The following ABCC12 variants were observed in gnomAD, a reference collection of about 807,000 sequenced individuals.
The protein encoded by ABCC12 is ATP-binding cassette sub-family C member 12.
Under a neutral mutation model 151.1 loss-of-function variants are expected in ABCC12, and 142 were observed. The ratio of observed to expected loss-of-function variants is 0.94; its 90% CI spans 0.82 to 1.08. The LOEUF is 1.08. Among genes scored for constraint, ABCC12 ranks in the 50% least tolerant of loss-of-function variants. The pLI is 0.00. For missense variants in ABCC12, 1,638 were observed against 1,691.1 expected, an observed-to-expected ratio of 0.97 and a Z score of 0.55; for synonymous variants, 645 against 646.4, an observed-to-expected ratio of 1.00 and a Z score of 0.03.
At position 48,148,966 on chromosome 16, in the gene ABCC12, C is replaced by T. The variant is rs558451577; in HGVS notation, c.-50-2492G>A. Among the ~76,000 whole-genome samples the T allele has an allele frequency of 2.6e-3, 394 of 151,770 alleles. 1 individual carries two copies. Among genetic ancestry groups the T allele is most frequent in the African/African-American group, 8.9e-3 (368 of 41,356 alleles). ...ATACCTAGCATAGTCCCTGGTACAT[C>T]GGAAATGTTTAATACGTATTTGTTG... On this transcript the variant is annotated intron_variant, in intron 2 of 30. Transcript: ENST00000311303.
At position 48,141,361 on chromosome 16, in the gene ABCC12, G is replaced by A. The variant is rs1310846767; in HGVS notation, c.276-8C>T. 1 of 1,612,758 alleles carries A rather than the reference G, an allele frequency of 6.2e-7. No individual in the cohort carries two copies. Among genetic ancestry groups the A allele is most frequent in the South Asian group, 1.1e-5 (1 of 91,020 alleles). ...TCCCAAAGGACTCGAAATCTGTGAT[G>A]AAAAAACAGAAGCATAAAATGGATT... On this transcript the variant is annotated splice_polypyrimidine_tract_variant and splice_region_variant and intron_variant, in intron 4 of 30. Coordinates refer to ENST00000311303, the MANE Select transcript of ABCC12 (RefSeq NM_001393797.1).
At chr16:48,126,978 G>C (rs978871672) in intron 11 of ABCC12, among the ~76,000 whole-genome samples, 2 of 152,132 alleles carry the variant, frequency 1.3e-5, no homozygotes, top group Non-Finnish European at 2.9e-5. Flanking sequence ...AAGGCAGGGC[G>C]GGGGGAAGTC....
Position 48,139,324 on chromosome 16 carries a change from G to GT in ABCC12, c.669dup (p.Leu224ThrfsTer4), listed in dbSNP as rs1168182223. 6.2e-7 allele frequency: 1 copy of GT among 1,606,972 alleles called. No individual in the cohort carries two copies. The highest frequency in any genetic ancestry group is 8.5e-7 in the Non-Finnish European group (1 of 1,178,180). ...AACAAAGAATAGCTATCACTTGACA[G>GT]TATATTGAGCACCTGGAAAGAAAAG... is the stretch of plus-strand genomic sequence containing the variant. On this transcript the variant is annotated frameshift_variant, in exon 7 of 31. Coordinates refer to ENST00000311303, the MANE Select transcript of ABCC12 (RefSeq NM_001393797.1). LOFTEE classifies it high-confidence loss of function.
At chr16:48,094,628 A>T (rs140721020) in intron 24 of ABCC12, among the ~76,000 whole-genome samples, 38 of 152,352 alleles carry the variant, frequency 2.5e-4, no homozygotes, top group Middle Eastern at 3.4e-3. Flanking sequence ...ATGGGAGCAC[A>T]CATGCACATG....
At chr16:48,133,597 C>T in intron 9 of ABCC12, 90 bp downstream of exon 9, 1 of 1,470,328 alleles carries the variant, frequency 6.8e-7, no homozygotes, top group Non-Finnish European at 9.2e-7. Context: ...GTTCCTAATG[C>T]CAGTATTGAG....
rs758298527 is a variant in ABCC12 at position 48,138,234 on chromosome 16, T to G, written c.973A>C (p.Ile325Leu). 1.9e-6 allele frequency: 3 copies of G among 1,607,736 alleles called. No homozygotes were observed. The highest frequency in any genetic ancestry group is 1.3e-5 in the African/African-American group (1 of 74,826). ...YAWEKSFTNT[I>L]QDIRRRERKL... ...GCAGCTACTCTTGTCCTACCTTGGA[T>G]AGTGTTGGTAAAAGATTTCTCCCAG... Residue 325 changes from isoleucine to leucine, a missense_variant, in exon 8 of 31, where the codon ATC (isoleucine) becomes CTC (leucine). Ile to Leu is a conservative substitution (Grantham distance 5). Coordinates refer to ENST00000311303, the MANE Select transcript of ABCC12 (RefSeq NM_001393797.1).
At chr16:48,146,555 A>G in intron 2 of ABCC12, 81 bp from the exon 3 acceptor site, 1 of 718,332 alleles carries the variant, frequency 1.4e-6, no homozygotes, top group Non-Finnish European at 2.4e-6. Flanking sequence ...TACCCAGATC[A>G]GTTCCTTTGC....
chr16:48,144,100 C>A (rs1465868579), intron 3 of ABCC12, 35 bp from the exon 4 acceptor site: 1 of 1,589,624 alleles, frequency 6.3e-7, no homozygotes, highest in Admixed American at 1.7e-5. Context: ...GTTCCAGGCA[C>A]TGGGGTCATT....
intron 15 of ABCC12, among the ~76,000 whole-genome samples, chr16:48,112,338 G>A (rs577969504): frequency 6.6e-6 from 1 of 152,310 alleles, no homozygotes; most frequent in East Asian, 1.9e-4. Context: ...GCTCACACCT[G>A]TAGTCCCGGC....
chr16:48,119,050 A>C (rs569393539), intron 13 of ABCC12, among the ~76,000 whole-genome samples: 1 of 152,028 alleles, frequency 6.6e-6, no homozygotes, highest in African/African-American at 2.4e-5. Flanking sequence ...CCTCCCCTCA[A>C]CACCTCCCAC....
chr16:48,117,858 G>A (rs1189978310), intron 13 of ABCC12, among the ~76,000 whole-genome samples: 1 of 152,164 alleles, frequency 6.6e-6, no homozygotes. Context: ...ACCCCTCACT[G>A]CTAGTAGGTT....
chr16:48,096,995 T>C, intron 23 of ABCC12, 93 bp from the exon 24 acceptor site: 3 of 1,514,176 alleles, frequency 2.0e-6, no homozygotes, highest in Non-Finnish European at 2.7e-6. Flanking sequence ...AAGGTTAGGG[T>C]GACTGGAGAA....
chr16:48,129,580 C>T (rs923933298), intron 10 of ABCC12, among the ~76,000 whole-genome samples: 2 of 152,076 alleles, frequency 1.3e-5, no homozygotes, highest in Non-Finnish European at 2.9e-5. Flanking sequence ...GCTGGAGAGC[C>T]TGGAGGGGAC....
intron 4 of ABCC12, 29 bp downstream of exon 4, chr16:48,143,881 A>G (rs1275879299): frequency 1.9e-6 from 3 of 1,605,560 alleles, no homozygotes; most frequent in African/African-American, 2.7e-5. Flanking sequence ...AAAATGGACT[A>G]ATACAGTGAC....
In ABCC12 at chr16:48,111,587, C is replaced by G; in HGVS notation, c.2200G>C (p.Gly734Arg). Residue 734 changes from glycine (G) to arginine (R), a missense_variant, in exon 17 of 31, where the codon GGT becomes CGT. Gly to Arg is a moderately radical substitution (Grantham distance 125). Transcript: ENST00000311303. Reference protein sequence around the residue: ...ESPAEREEDAGIIVLAPGNEK... With the variant: ...ESPAEREEDARIIVLAPGNEK... ...GGGATGGGATTCTAACCGATTATAC[C>G]AGCATCTTCCTCTCTCTCAGCAGGG... The G allele has an allele frequency of 6.2e-7, 1 of 1,614,136 alleles. No homozygotes were observed. The highest frequency in any genetic ancestry group is 8.5e-7 in the Non-Finnish European group (1 of 1,180,028).
chr16:48,107,190 C>T (rs1963521866), intron 20 of ABCC12, 132 bp downstream of exon 20: 1 of 859,448 alleles, frequency 1.2e-6, no homozygotes, highest in Admixed American at 1.9e-5. Context: ...CATCTGACTC[C>T]CACTTCTTGA....
intron 2 of ABCC12, among the ~76,000 whole-genome samples, chr16:48,149,947 A>G (rs1965095241): frequency 6.6e-6 from 1 of 152,226 alleles, no homozygotes; most frequent in Admixed American, 6.5e-5. Context: ...GTCTTGGCAT[A>G]TGTATGGAGC....
At chr16:48,105,757 C>T (rs1396084622) in intron 20 of ABCC12, among the ~76,000 whole-genome samples, 2 of 152,202 alleles carry the variant, frequency 1.3e-5, no homozygotes, top group Non-Finnish European at 2.9e-5. Context: ...CAGGAACTGA[C>T]CTCCAGCATG....
At position 48,104,218 on chromosome 16, in the gene ABCC12, C is replaced by G; in HGVS notation, c.2824G>C (p.Val942Leu). 4 of 1,614,214 alleles carry G rather than the reference C, an allele frequency of 2.5e-6. No individual in the cohort carries two copies. Among genetic ancestry groups the G allele is most frequent in the Non-Finnish European group, 3.4e-6 (4 of 1,180,056 alleles). The change falls in exon 22 of 31, where the codon GTG (valine) becomes CTG (leucine). Residue 942 changes from valine (V) to leucine (L), a missense_variant. By Grantham distance (32) the Val-to-Leu change is conservative. Transcript: ENST00000311303. ...QQFFMVVFIL[V>L]ILAAVFPAVL... ...GCAGGAAACACAGCAGCCAAGATCA[C>G]GAGAATAAACACCACCATAAAAAAC...
Sources: allele counts gnomAD v4.1 joint callset (sites outside exome capture counted in the v4.1 genomes callset), GRCh38; gene constraint gnomAD v4.1.1; transcripts MANE v1.5; gene names NCBI Gene and HGNC (gene_info 2026-07-23, HGNC 2026-07-21).